Variants in FYN observed in about 807,000 individuals in gnomAD.
FYN encodes tyrosine-protein kinase Fyn.
A neutral mutation model predicts 70.2 loss-of-function variants in FYN; 10 were observed. The ratio of observed to expected loss-of-function variants is 0.14; its 90% CI spans 0.09 to 0.24. FYN has a LOEUF of 0.24. Ranked by LOEUF, FYN falls within the 10% of genes least tolerant of loss-of-function variation. The pLI is 1.00. For synonymous variants in FYN, 236 were observed against 248.6 expected (o/e 0.95, Z 0.48); for missense variants, 319 against 673.1 (o/e 0.47, Z 5.82).
intron 4 of FYN, among the ~76,000 whole-genome samples, chr6:111,717,590 T>C (rs905979572): frequency 1.3e-5 from 2 of 151,860 alleles, no homozygotes; most frequent in Non-Finnish European, 2.9e-5. Flanking sequence ...GCCTCCCGAG[T>C]AGCTGGGATT....
At chr6:111,715,603 C>G (rs1021921404) in intron 4 of FYN, among the ~76,000 whole-genome samples, 1 of 152,100 alleles carries the variant, frequency 6.6e-6, no homozygotes, top group African/African-American at 2.4e-5. Flanking sequence ...TGAAGCAAGG[C>G]GCCATGCTGG....
chr6:111,785,089 C>T (rs9400504), intron 2 of FYN, among the ~76,000 whole-genome samples: 66,669 of 152,022 alleles, frequency 0.44, 14,971 homozygotes, highest in East Asian at 0.7. Context: ...GATGAAGAAA[C>T]GTGCTTTCTA....
At chr6:111,780,035 C>T (rs779230906) in intron 3 of FYN, among the ~76,000 whole-genome samples, 13 of 152,058 alleles carry the variant, frequency 8.5e-5, no homozygotes, top group Non-Finnish European at 1.3e-4. Flanking sequence ...GTCCTCTTTC[C>T]CTGCTAGCAA....
intron 2 of FYN, among the ~76,000 whole-genome samples, chr6:111,800,338 C>T (rs1771944243): frequency 6.6e-6 from 1 of 152,052 alleles, no homozygotes. Context: ...CAGGTCTCAG[C>T]ACAGGGTAGG....
chr6:111,818,426 A>T (rs954944805), intron 2 of FYN, among the ~76,000 whole-genome samples: 20 of 152,146 alleles, frequency 1.3e-4, no homozygotes, highest in South Asian at 2.1e-4. Flanking sequence ...TACTCTTTTT[A>T]AAAAAAGGCA....
intron 12 of FYN, among the ~76,000 whole-genome samples, chr6:111,675,148 CCTT>C (rs1354370421): frequency 6.6e-6 from 1 of 152,160 alleles, no homozygotes; most frequent in East Asian, 1.9e-4. Flanking sequence ...GCCTCCAGCT[CCTT>C]CTCTCTCCAC....
intron 2 of FYN, among the ~76,000 whole-genome samples, chr6:111,820,248 C>T (rs377152902): frequency 2.0e-5 from 3 of 152,154 alleles, no homozygotes; most frequent in African/African-American, 7.2e-5. Flanking sequence ...TTTATATAAC[C>T]ATTATGCATT....
intron 2 of FYN, among the ~76,000 whole-genome samples, chr6:111,785,653 TTTTTTTTC>T (rs1338739982): frequency 2.6e-5 from 4 of 151,966 alleles, no homozygotes; most frequent in East Asian, 3.9e-4. Flanking sequence ...AAGACAGGAA[TTTTTTTTC>T]TTTTTTTCTT....
At chr6:111,770,739 T>C (rs1271736035) in intron 3 of FYN, among the ~76,000 whole-genome samples, 2 of 152,142 alleles carry the variant, frequency 1.3e-5, no homozygotes, top group Non-Finnish European at 2.9e-5. Context: ...GGTCAAAACA[T>C]GGCAGATATG....
At chr6:111,828,284 G>A (rs772343690) in intron 2 of FYN, among the ~76,000 whole-genome samples, 1 of 152,192 alleles carries the variant, frequency 6.6e-6, no homozygotes, top group Non-Finnish European at 1.5e-5. Flanking sequence ...AAGGTGTGAT[G>A]TGGAAAAAGA....
intron 12 of FYN, among the ~76,000 whole-genome samples, chr6:111,689,855 G>C (rs1338816851): frequency 6.6e-6 from 1 of 152,036 alleles, no homozygotes; most frequent in South Asian, 2.1e-4. Context: ...GGATTCAGGG[G>C]CATATATGTA....
chr6:111,713,988 G>A (rs759411219), intron 5 of FYN, among the ~76,000 whole-genome samples: 3 of 152,238 alleles, frequency 2.0e-5, no homozygotes, highest in Admixed American at 6.5e-5. Context: ...CAGAGAGCAC[G>A]AAACGTGGGT....
At chr6:111,797,658 A>C (rs1265179611) in intron 2 of FYN, among the ~76,000 whole-genome samples, 2 of 133,958 alleles carry the variant, frequency 1.5e-5, no homozygotes, top group African/African-American at 2.5e-5. Flanking sequence ...GCTCAAAATC[A>C]AAGTTTCATA....
At chr6:111,852,561 T>C (rs770916610) in intron 1 of FYN, among the ~76,000 whole-genome samples, 4 of 152,212 alleles carry the variant, frequency 2.6e-5, no homozygotes, top group African/African-American at 9.7e-5. Flanking sequence ...CAAATGTTTA[T>C]ATGTTATGGA....
chr6:111,762,052 C>T (rs1803030346), intron 3 of FYN, among the ~76,000 whole-genome samples: 1 of 152,122 alleles, frequency 6.6e-6, no homozygotes, highest in Admixed American at 6.5e-5. Context: ...AACACGTAGG[C>T]TGTGTGTATG....
In FYN at chr6:111,661,835, G is replaced by C. The variant is rs28763975; in HGVS notation, c.1518C>G (p.Asp506Glu). The C allele has an allele frequency of 0.013, 21,789 of 1,614,168 alleles. 172 individuals carry two copies. Among genetic ancestry groups the C allele is most frequent in the Non-Finnish European group, 0.016 (18,923 of 1,180,020 alleles). The change falls in exon 14 of 14, where the codon GAC becomes GAG. Residue 506 changes from aspartate to glutamate, a missense_variant. Physicochemically the swap from Asp to Glu is conservative, Grantham distance 45 (BLOSUM62 2). Transcript: ENST00000354650. The surrounding 1 kb of genome is among the most constrained non-coding windows in gnomAD (Gnocchi z 4.0). ...HELMIHCWKK[D>E]PEERPTFEYL... ...ACTCAAAAGTGGGGCGTTCTTCAGG[G>C]TCCTTTTTCCAGCAGTGGATCATGA...
chr6:111,837,225 C>T (rs149584253), intron 2 of FYN, among the ~76,000 whole-genome samples: 165 of 152,142 alleles, frequency 1.1e-3, no homozygotes, highest in African/African-American at 3.6e-3. Context: ...TACTTTTTTG[C>T]GGTAAGCGGC....
chr6:111,746,445 T>A (rs1802222223), intron 3 of FYN, among the ~76,000 whole-genome samples: 1 of 152,222 alleles, frequency 6.6e-6, no homozygotes, highest in Non-Finnish European at 1.5e-5. Context: ...TGTGTCTACT[T>A]ATTTTATGTG....
chr6:111,718,867 C>T (rs1031272326), intron 4 of FYN, among the ~76,000 whole-genome samples: 1 of 152,144 alleles, frequency 6.6e-6, no homozygotes, highest in Non-Finnish European at 1.5e-5. Context: ...TGTCCAAAGG[C>T]TCAGGGTCAG....
Sources: gnomAD v4.1 joint callset for allele counts (sites outside exome capture counted in the v4.1 genomes callset) on GRCh38, gnomAD v4.1.1 for gene constraint, Gnocchi (gnomAD v3.1) non-coding constraint, MANE v1.5 for transcripts, NCBI Gene and HGNC (gene_info 2026-07-23, HGNC 2026-07-21) for gene names.